The following GAS2L1 variants were observed in gnomAD, a reference collection of about 807,000 sequenced individuals.
GAS2L1 encodes growth arrest specific 2 like 1.
In GAS2L1, 26 loss-of-function variants were observed where a neutral mutation model predicts 44.0. The ratio of observed to expected loss-of-function variants is 0.59; its 90% CI spans 0.43 to 0.82. The LOEUF (loss-of-function observed/expected upper bound fraction) is 0.82, where lower values mean the gene tolerates loss of function less well. Among genes scored for constraint, GAS2L1 ranks in the 40% least tolerant of loss-of-function variants. The pLI is 0.00. For synonymous variants in GAS2L1, 426 were observed against 415.9 expected (o/e 1.02, Z -0.30); for missense variants, 1,006 against 983.0 (o/e 1.02, Z -0.31).
chr22:29,308,643 G>T (rs1475252682), exon 1 of GAS2L1: 2 of 1,572,530 alleles, frequency 1.3e-6, no homozygotes, highest in Non-Finnish European at 1.7e-6. Flanking sequence ...CGCCCCTGCC[G>T]CTGGGGAGGA....
exon 1 of GAS2L1, chr22:29,308,143 C>T: frequency 1.3e-6 from 2 of 1,575,244 alleles, no homozygotes; most frequent in Non-Finnish European, 1.7e-6. Flanking sequence ...GGCTCGGCGG[C>T]CAAGAGCGTG....
Position 29,311,493 on chromosome 22 carries a change from TC to T in GAS2L1, c.1045del (p.Arg349AlafsTer39). 6.7e-7 allele frequency: 1 copy of T among 1,495,636 alleles called. No individual in the cohort carries two copies. Among genetic ancestry groups the T allele is most frequent in the Non-Finnish European group, 9.0e-7 (1 of 1,116,518 alleles). 92.6% of individuals were successfully genotyped at this position (1,495,636 alleles called of 1,614,324 possible). ...GGATCAGCTGCCCCCCCATCCCCGC[TC>T]CCGCCGCTACTCCGGGGACAGTGAC... is the stretch of plus-strand genomic sequence containing the variant. On this transcript the variant is annotated frameshift_variant, in exon 5 of 5. Transcript: ENST00000618518. LOFTEE classifies it high-confidence loss of function.
At chr22:29,308,715 G>A (rs746365930) in exon 1 of GAS2L1, 1 of 1,498,282 alleles carries the variant, frequency 6.7e-7, no homozygotes, top group South Asian at 1.3e-5. Context: ...GACACCCAGC[G>A]ACCTGCGCAA....
chr22:29,311,351 C>G, intron 4 of GAS2L1, 111 bp from the exon 6 acceptor site: 6 of 599,574 alleles, frequency 1.0e-5, no homozygotes, highest in Non-Finnish European at 1.5e-5. Context: ...AGACCGATGC[C>G]CCTGACAGCC....
rs1214898262 is a variant in GAS2L1 at position 29,310,628 on chromosome 22, A to G, written c.742-10A>G. ...CCCGGGGCACAGCCGTGACCTGCCC[A>G]CACCTGCAGGTGCTGAGGAGCCACG... On this transcript the variant is annotated splice_polypyrimidine_tract_variant and intron_variant, in intron 2 of 4. Transcript: ENST00000618518. The G allele has an allele frequency of 6.2e-7, 1 of 1,602,682 alleles. No homozygotes were observed. Among genetic ancestry groups the G allele is most frequent in the Non-Finnish European group, 8.5e-7 (1 of 1,171,526 alleles).
exon 1 of GAS2L1, chr22:29,308,245 G>A: frequency 1.2e-6 from 2 of 1,609,382 alleles, no homozygotes; most frequent in East Asian, 2.2e-5. Context: ...GGTCTCCCGG[G>A]TGGTGGCGAT....
intron 1 of GAS2L1, 48 bp from the exon 3 acceptor site, chr22:29,310,391 A>T (rs759390515): frequency 9.7e-7 from 1 of 1,030,796 alleles, no homozygotes; most frequent in East Asian, 2.4e-5. Flanking sequence ...ATTAAGCCCC[A>T]GGAGGAGGAC....
At position 29,310,883 on chromosome 22, in the gene GAS2L1, AC is replaced by A. The variant is rs778618265; in HGVS notation, c.897del (p.Thr300ProfsTer21). ...CTTTTCTCCACAGAGGGTGTCGCCC[AC>A]CACCAGTCCCCGCCCTGCTAGCCCA... is the stretch of plus-strand genomic sequence containing the variant. On this transcript the variant is annotated frameshift_variant, in exon 4 of 5. Coordinates refer to ENST00000618518, the Ensembl canonical transcript of GAS2L1. LOFTEE classifies it high-confidence loss of function. 1 of 1,613,212 alleles carries A rather than the reference AC, an allele frequency of 6.2e-7. No individual in the cohort carries two copies. The highest frequency in any genetic ancestry group is 1.1e-5 in the South Asian group (1 of 91,082).
At chr22:29,310,229 CA>C (rs1432940503) in intron 1 of GAS2L1, 4 of 245,110 alleles carry the variant, frequency 1.6e-5, no homozygotes, top group African/African-American at 1.3e-4. Flanking sequence ...GCAACAAGAG[CA>C]AAACTCCAAC....
chr22:29,311,114 G>A, intron 4 of GAS2L1, 116 bp downstream of exon 5: 3 of 1,012,184 alleles, frequency 3.0e-6, no homozygotes, highest in Non-Finnish European at 4.3e-6. Context: ...AAAAGTTCCC[G>A]TGGGTGGGGG....
chr22:29,311,113 C>A, intron 4 of GAS2L1, 115 bp downstream of exon 5: 1 of 1,029,224 alleles, frequency 9.7e-7, no homozygotes. Flanking sequence ...GAAAAGTTCC[C>A]GTGGGTGGGG....
At chr22:29,312,279 G>A (rs774249918) in exon 5 of GAS2L1, 8 of 1,609,870 alleles carry the variant, frequency 5.0e-6, no homozygotes, top group Non-Finnish European at 6.8e-6. Context: ...CCCCTGCCCT[G>A]GCATGGGGGG....
chr22:29,311,580 G>A (rs1378762844), exon 5 of GAS2L1: 1 of 1,541,414 alleles, frequency 6.5e-7, no homozygotes, highest in African/African-American at 1.4e-5. Flanking sequence ...CACAGGCACT[G>A]GCCCCCGGAG....
At chr22:29,312,052 C>T in exon 5 of GAS2L1, 1 of 1,612,642 alleles carries the variant, frequency 6.2e-7, no homozygotes. Flanking sequence ...GCCCTTGAGG[C>T]TGTTGCTAGC....
At chr22:29,307,183 C>A (rs1366633064) in exon 1 of GAS2L1, 1 of 152,328 alleles carries the variant, frequency 6.6e-6, no homozygotes, top group East Asian at 1.9e-4. Context: ...GCACTCCCTG[C>A]CTGGTGCGCA....
Position 29,308,755 on chromosome 22 carries a change from C to G in GAS2L1, c.633+17C>G, listed in dbSNP as rs774216974. 5 of 1,478,404 alleles carry G rather than the reference C, an allele frequency of 3.4e-6. No homozygotes were observed. The highest frequency in any genetic ancestry group is 3.6e-6 in the Non-Finnish European group (4 of 1,120,468). 91.6% of individuals were successfully genotyped at this position (1,478,404 alleles called of 1,614,324 possible). On this transcript the variant is annotated intron_variant, in intron 1 of 4. Coordinates refer to ENST00000618518, the Ensembl canonical transcript of GAS2L1. ...GACGAGCTGGTGAGTCCCCCAGCAC[C>G]AGGTGCCAGGGACCCGACAGCACAG...
exon 5 of GAS2L1, chr22:29,311,599 C>G (rs1239245128): frequency 4.2e-5 from 64 of 1,539,618 alleles, no homozygotes; most frequent in Non-Finnish European, 5.2e-5. Context: ...AGGGAGCGAC[C>G]CAGCCGGCGG....
upstream of GAS2L1, chr22:29,306,917 T>C (rs941256748): frequency 6.6e-6 from 1 of 151,984 alleles, no homozygotes; most frequent in Non-Finnish European, 1.5e-5. Flanking sequence ...AGACCCCAGC[T>C]CCACCCCAGC....
chr22:29,312,032 C>G (rs1569142722), exon 5 of GAS2L1: 1 of 1,612,290 alleles, frequency 6.2e-7, no homozygotes, highest in Non-Finnish European at 8.5e-7. Flanking sequence ...AGTTCCTGGC[C>G]AATGCCCGGG....
Sources: allele counts gnomAD v4.1 joint callset, GRCh38; gene constraint gnomAD v4.1.1; transcripts MANE v1.5; gene names NCBI Gene and HGNC (gene_info 2026-07-23, HGNC 2026-07-21).